JMY: variants seen among roughly 807,000 people sequenced by gnomAD.
The protein encoded by JMY is junction-mediating and -regulatory protein.
A neutral mutation model predicts 103.3 loss-of-function variants in JMY; 46 were observed. The observed-to-expected ratio is 0.45, with a 90% CI of 0.35 to 0.57. The LOEUF is 0.57. Among genes scored for constraint, JMY ranks in the 20% least tolerant of loss-of-function variants. The pLI is 0.00. For missense variants in JMY, 1,238 were observed against 1,255.2 expected, an observed-to-expected ratio of 0.99 and a Z score of 0.21; for synonymous variants, 526 against 489.3, an observed-to-expected ratio of 1.07 and a Z score of -0.99.
intron 1 of JMY, among the ~76,000 whole-genome samples, chr5:79,271,850 G>C (rs1181806415): frequency 1.3e-5 from 2 of 152,146 alleles, no homozygotes; most frequent in African/African-American, 4.8e-5. Context: ...GCTCACGCCT[G>C]TAATCCTAAG....
chr5:79,322,799 G>C lies in JMY; in HGVS notation c.*1197G>C, dbSNP rs1407554813. On this transcript the variant is annotated 3_prime_UTR_variant, in exon 11 of 11. Coordinates refer to ENST00000396137, the MANE Select transcript of JMY (RefSeq NM_152405.5). ...TGTAGATCATTGGACTCAGTGTGCA[G>C]TACCCTGTACATATAATTCTGCATA... 3 of 152,206 alleles carry C rather than the reference G, an allele frequency of 2.0e-5. No individual in the cohort carries two copies. In the East Asian group the frequency reaches 5.8e-4, roughly 29 times the overall value. The allele number at this position is 152,206 out of a possible 1,614,324, so 9.4% of individuals were successfully genotyped here. A position where few individuals can be genotyped will look rare whatever the true frequency, so the allele number is the denominator to read the frequency against.
At chr5:79,309,400 A>G (rs556479120) in intron 7 of JMY, among the ~76,000 whole-genome samples, 1 of 152,304 alleles carries the variant, frequency 6.6e-6, no homozygotes, top group African/African-American at 2.4e-5. Context: ...CACTTTATAT[A>G]AAGTTACATT....
At chr5:79,303,553 G>A (rs1358279469) in intron 6 of JMY, among the ~76,000 whole-genome samples, 1 of 152,210 alleles carries the variant, frequency 6.6e-6, no homozygotes, top group Non-Finnish European at 1.5e-5. Flanking sequence ...CACAGGCTAT[G>A]AAAGACTGAG....
Position 79,314,663 on chromosome 5 carries a change from C to G in JMY, c.2471C>G (p.Pro824Arg), listed in dbSNP as rs116121324. ...CCTCCTCCCCCTCCCCCACCACCAC[C>G]ACCTCTGCCTGTTGCTAAGGACAGT... is the stretch of plus-strand genomic sequence containing the variant. ...PPPPPPPPPP[P>R]PLPVAKDSGP... Residue 824 changes from proline to arginine, a missense_variant, in exon 9 of 11, where the codon CCA (proline) becomes CGA (arginine). By Grantham distance (103) the Pro-to-Arg change is moderately radical. Transcript: ENST00000396137. 2 of 1,607,788 alleles carry G rather than the reference C, an allele frequency of 1.2e-6. No individual in the cohort carries two copies. The highest frequency in any genetic ancestry group is 1.7e-6 in the Non-Finnish European group (2 of 1,178,236).
Position 79,278,031 on chromosome 5 carries a change from A to G in JMY, c.1154A>G (p.Gln385Arg). Residue 385 changes from glutamine (Q) to arginine (R), a missense_variant, in exon 2 of 11, where the codon CAG becomes CGG. Gln to Arg is a conservative substitution (Grantham distance 43). Transcript: ENST00000396137. ...ACCGAACTCTATCAGTATTTACTAC[A>G]GCCATTCCGAGACATGAGAGAACTT... Reference protein sequence around the residue: ...ATTELYQYLLQPFRDMRELAM... With the variant: ...ATTELYQYLLRPFRDMRELAM... 6.2e-7 allele frequency: 1 copy of G among 1,614,056 alleles called. No homozygotes were observed. The highest frequency in any genetic ancestry group is 8.5e-7 in the Non-Finnish European group (1 of 1,179,958).
chr5:79,295,833 G>A (rs1224996758), intron 4 of JMY, among the ~76,000 whole-genome samples: 1 of 152,120 alleles, frequency 6.6e-6, no homozygotes, highest in Non-Finnish European at 1.5e-5. Flanking sequence ...TTCCATAGGT[G>A]CACACTATAT....
At chr5:79,292,184 C>T (rs985112525) in intron 4 of JMY, among the ~76,000 whole-genome samples, 1 of 152,180 alleles carries the variant, frequency 6.6e-6, no homozygotes, top group Admixed American at 6.5e-5. Context: ...TCATGTTCCC[C>T]TGAGGCATTT....
intron 8 of JMY, among the ~76,000 whole-genome samples, chr5:79,313,280 A>G (rs1257849650): frequency 6.6e-6 from 1 of 152,124 alleles, no homozygotes; most frequent in Non-Finnish European, 1.5e-5. Context: ...TTAGCCTGGC[A>G]TGGTGGAACA....
At chr5:79,258,223 A>C (rs2112061773) in intron 1 of JMY, among the ~76,000 whole-genome samples, 2 of 152,280 alleles carry the variant, frequency 1.3e-5, no homozygotes, top group East Asian at 3.9e-4. Flanking sequence ...CAGTTTCTAC[A>C]ATATTTATCT....
intron 7 of JMY, among the ~76,000 whole-genome samples, chr5:79,307,800 G>A (rs567676690): frequency 2.0e-5 from 3 of 152,094 alleles, no homozygotes; most frequent in South Asian, 4.2e-4. Context: ...GTGCAGTGGC[G>A]CGATCTCGGC....
chr5:79,236,758 C>T lies in JMY; in HGVS notation c.108C>T (p.Asn36=), dbSNP rs1467706650. The T allele has an allele frequency of 1.3e-6, 2 of 1,510,984 alleles. No individual in the cohort carries two copies. Among genetic ancestry groups the T allele is most frequent in the East Asian group, 2.8e-5 (1 of 36,120 alleles). The allele number at this position is 1,510,984 out of a possible 1,614,324, so 93.6% of individuals were successfully genotyped here. ...KHKFVFIVAW[N]EIEGKFAITC... ...AATTCGTCTTTATTGTGGCCTGGAA[C>T]GAGATTGAGGGCAAGTTTGCCATAA... is the stretch of plus-strand genomic sequence containing the variant. Residue 36 remains asparagine, a synonymous_variant, in exon 1 of 11, where the codon AAC becomes AAT. Coordinates refer to ENST00000396137, the MANE Select transcript of JMY (RefSeq NM_152405.5).
chr5:79,238,145 C>T (rs1161263064), intron 1 of JMY, among the ~76,000 whole-genome samples: 5 of 152,140 alleles, frequency 3.3e-5, no homozygotes, highest in Non-Finnish European at 7.4e-5. Context: ...TGGCAACCTA[C>T]GCAAATTTTA....
intron 9 of JMY, 115 bp from the exon 10 acceptor site, chr5:79,315,885 A>G: frequency 2.5e-6 from 2 of 812,670 alleles, no homozygotes; most frequent in Non-Finnish European, 4.1e-6. Flanking sequence ...ATCCATTTTG[A>G]AGATGGTGTT....
chr5:79,254,850 T>C (rs1745190334), intron 1 of JMY, among the ~76,000 whole-genome samples: 2 of 151,962 alleles, frequency 1.3e-5, no homozygotes, highest in Admixed American at 1.3e-4. Context: ...TTTTTCCTCT[T>C]GACTGTATTT....
intron 2 of JMY, among the ~76,000 whole-genome samples, chr5:79,282,453 G>T (rs1025648703): frequency 1.8e-4 from 27 of 152,064 alleles, no homozygotes; most frequent in Non-Finnish European, 7.4e-5. Flanking sequence ...CTCAATAAAC[G>T]TGATTTTTTA....
intron 1 of JMY, among the ~76,000 whole-genome samples, chr5:79,240,056 C>G (rs1158900407): frequency 6.6e-6 from 1 of 151,278 alleles, no homozygotes; most frequent in Non-Finnish European, 1.5e-5. Flanking sequence ...CGCTCTGTCG[C>G]CCAGGCTGAA....
intron 1 of JMY, among the ~76,000 whole-genome samples, chr5:79,269,494 A>T (rs1005076022): frequency 6.6e-6 from 1 of 152,218 alleles, no homozygotes; most frequent in African/African-American, 2.4e-5. Context: ...GATTTTGATT[A>T]GGATTGCATT....
At chr5:79,291,822 AT>A in intron 4 of JMY, among the ~76,000 whole-genome samples, 1 of 152,102 alleles carries the variant, frequency 6.6e-6, no homozygotes, top group Non-Finnish European at 1.5e-5. Flanking sequence ...ATTCATACCC[AT>A]TTTGTGGGCT....
rs1747243222 is a variant in JMY at position 79,316,896 on chromosome 5, C to CT, written c.*3+588dup. Among the ~76,000 whole-genome samples, 8 of 57,914 alleles carry CT rather than the reference C, an allele frequency of 1.4e-4. No homozygotes were observed. In the South Asian group the frequency reaches 3.2e-3, roughly 23 times the overall value. The allele number at this position is 57,914 out of a possible 152,430, so 38.0% of individuals were successfully genotyped here. A position where few individuals can be genotyped will look rare whatever the true frequency, so the allele number is the denominator to read the frequency against. On this transcript the variant is annotated intron_variant, in intron 10 of 10. Coordinates refer to ENST00000396137, the MANE Select transcript of JMY (RefSeq NM_152405.5). ...CCTGGGCAACAGAGTGAGACTCAGTCTTAAAAAAAAAAAAAAAAAAAAAAA... is the reference window on the plus strand; with the variant it reads ...CCTGGGCAACAGAGTGAGACTCAGTCTTTAAAAAAAAAAAAAAAAAAAAAAA...
Sources: allele counts gnomAD v4.1 joint callset (sites outside exome capture counted in the v4.1 genomes callset), GRCh38; gene constraint gnomAD v4.1.1; transcripts MANE v1.5; gene names NCBI Gene and HGNC (gene_info 2026-07-23, HGNC 2026-07-21).